CHRM3: variants seen among roughly 807,000 people sequenced by gnomAD.
The protein encoded by CHRM3 is cholinergic receptor muscarinic 3, also known as muscarinic acetylcholine receptor M3.
In CHRM3, 11 loss-of-function variants were observed where a neutral mutation model predicts 41.8. That is an observed-to-expected ratio of 0.26 (90% confidence interval 0.17 to 0.44). The LOEUF (loss-of-function observed/expected upper bound fraction) is 0.44. CHRM3 is among the 20% of genes least tolerant of loss of function. CHRM3 has a pLI of 1.00. For synonymous variants in CHRM3, 297 were observed against 301.4 expected (o/e 0.99, Z 0.15); for missense variants, 571 against 745.4 (o/e 0.77, Z 2.72).
At chr1:239,439,061 G>A (rs773039829) in intron 1 of CHRM3, among the ~76,000 whole-genome samples, 2 of 152,214 alleles carry the variant, frequency 1.3e-5, no homozygotes, top group African/African-American at 2.4e-5. Context: ...AGTTGCAGCA[G>A]CATCTTCTCT....
Position 239,409,128 on chromosome 1 carries a change from A to AT in CHRM3, c.-521+21907dup, listed in dbSNP as rs1179167281. Among the ~76,000 whole-genome samples the AT allele has an allele frequency of 8.6e-5, 13 of 151,872 alleles. No individual in the cohort carries two copies. The East Asian group carries it at 2.5e-3, about 29-fold the overall frequency. On this transcript the variant is annotated intron_variant, in intron 1 of 6. Coordinates refer to ENST00000676153, the MANE Select transcript of CHRM3 (RefSeq NM_001375978.1). The stretch of plus-strand genomic sequence containing the variant: ...ATACTGTATTCTTTTATTTTCTTTT[A>AT]TTTTTTCATTCATCAGATATTTATT...
In CHRM3 at chr1:239,874,285, G is replaced by GTATATATATA. The variant is rs758413973; in HGVS notation, c.-19-33115_-19-33106dup. On this transcript the variant is annotated intron_variant, in intron 6 of 6. Coordinates refer to ENST00000676153, the MANE Select transcript of CHRM3 (RefSeq NM_001375978.1). ...AGACCTATATATATCTATATACACAGTATATATATATATATATATATATAT... is the reference window on the plus strand; with the variant it reads ...AGACCTATATATATCTATATACACAGTATATATATATATATATATATATATATATATATAT... Among the ~76,000 whole-genome samples the GTATATATATA allele has an allele frequency of 2.2e-3, 186 of 83,172 alleles. 9 individuals are homozygous for GTATATATATA. Among genetic ancestry groups the GTATATATATA allele is most frequent in the African/African-American group, 0.011 (173 of 16,368 alleles). The allele number at this position is 83,172 out of a possible 152,430, so 54.6% of individuals were successfully genotyped here.
At chr1:239,641,702 G>T (rs1573080719) in intron 4 of CHRM3, among the ~76,000 whole-genome samples, 1 of 144,938 alleles carries the variant, frequency 6.9e-6, no homozygotes, top group Non-Finnish European at 1.5e-5. Context: ...ACACTGCTGG[G>T]TCTTGACTCT....
chr1:239,894,703 T>C (rs1572619879), intron 6 of CHRM3, among the ~76,000 whole-genome samples: 1 of 151,998 alleles, frequency 6.6e-6, no homozygotes, highest in Admixed American at 6.6e-5. Context: ...AAAGTGGTGG[T>C]ATTACAGGCA....
intron 3 of CHRM3, among the ~76,000 whole-genome samples, chr1:239,607,700 T>C (rs2148726805): frequency 6.6e-6 from 1 of 152,348 alleles, no homozygotes; most frequent in African/African-American, 2.4e-5. Flanking sequence ...TATTTTATGT[T>C]ATGTGTGTAT....
At chr1:239,478,470 A>T (rs977409363) in intron 1 of CHRM3, among the ~76,000 whole-genome samples, 3 of 152,118 alleles carry the variant, frequency 2.0e-5, no homozygotes, top group Non-Finnish European at 4.4e-5. Context: ...TTATTAGATT[A>T]AAAAAAATTT....
intron 6 of CHRM3, among the ~76,000 whole-genome samples, chr1:239,845,822 C>T (rs1674217424): frequency 6.6e-6 from 1 of 152,204 alleles, no homozygotes; most frequent in Non-Finnish European, 1.5e-5. Flanking sequence ...CAGCCATTCA[C>T]TTTCAGATGA....
At chr1:239,690,817 T>TTA (rs144139865) in intron 5 of CHRM3, among the ~76,000 whole-genome samples, 181 of 150,926 alleles carry the variant, frequency 1.2e-3, no homozygotes, top group East Asian at 5.7e-3. Flanking sequence ...CTGAAAAATT[T>TTA]TATATATATA....
rs143637351 is a variant in CHRM3, at chr1:239,698,102, G to T, written c.-147+19814G>T. Among the ~76,000 whole-genome samples, 1,341 of 152,230 alleles carry T rather than the reference G, an allele frequency of 8.8e-3. 10 individuals carry two copies. The highest frequency in any genetic ancestry group is 0.018 in the South Asian group (85 of 4,824). ...ATTTTTAAAAAGAGATTCTGAGAAAGAACTGACAAGCCAAGTTTGTTAAAT... is the reference window on the plus strand; with the variant it reads ...ATTTTTAAAAAGAGATTCTGAGAAATAACTGACAAGCCAAGTTTGTTAAAT... On this transcript the variant is annotated intron_variant, in intron 5 of 6. Transcript: ENST00000676153.
At chr1:239,530,113 C>T (rs1025684613) in intron 2 of CHRM3, among the ~76,000 whole-genome samples, 3 of 152,060 alleles carry the variant, frequency 2.0e-5, no homozygotes, top group Admixed American at 6.5e-5. Flanking sequence ...CCGTGTTAGC[C>T]AGGATGGTCT....
intron 1 of CHRM3, among the ~76,000 whole-genome samples, chr1:239,401,496 CTTTTTTTTTTCT>C (rs11272057): frequency 0.026 from 3,899 of 148,720 alleles, 169 homozygotes; most frequent in African/African-American, 0.091. Context: ...CTCTTTTTTC[CTTTTTTTTTTCT>C]TTTTTGAGAT....
At chr1:239,518,724 G>A (rs1440346079) in intron 2 of CHRM3, among the ~76,000 whole-genome samples, 4 of 152,094 alleles carry the variant, frequency 2.6e-5, no homozygotes, top group Admixed American at 6.5e-5. Flanking sequence ...GTTTGTGGGC[G>A]GTAGTTGCAC....
At chr1:239,885,788 C>G (rs1167140146) in intron 6 of CHRM3, among the ~76,000 whole-genome samples, 10 of 152,120 alleles carry the variant, frequency 6.6e-5, no homozygotes, top group Admixed American at 6.5e-4. Context: ...CAAGTCTCCA[C>G]TAGGTCATTC....
intron 2 of CHRM3, among the ~76,000 whole-genome samples, chr1:239,522,204 T>C (rs2148272622): frequency 6.6e-6 from 1 of 152,288 alleles, no homozygotes; most frequent in East Asian, 1.9e-4. Flanking sequence ...CTTTGTGCCA[T>C]CCTTCTTGCT....
At chr1:239,634,192 A>G (rs1573038557) in intron 4 of CHRM3, among the ~76,000 whole-genome samples, 1 of 152,144 alleles carries the variant, frequency 6.6e-6, no homozygotes, top group Admixed American at 6.5e-5. Flanking sequence ...TGCTGATTAC[A>G]TTTTATAGTT....
At chr1:239,602,380 T>C (rs1016325717) in intron 3 of CHRM3, among the ~76,000 whole-genome samples, 6 of 152,106 alleles carry the variant, frequency 3.9e-5, no homozygotes, top group African/African-American at 1.4e-4. Context: ...GAGTGAAATG[T>C]TGAATTCACA....
At chr1:239,875,863 G>A (rs1677069015) in intron 6 of CHRM3, among the ~76,000 whole-genome samples, 1 of 152,158 alleles carries the variant, frequency 6.6e-6, no homozygotes, top group Non-Finnish European at 1.5e-5. Context: ...TTAAAAGGCA[G>A]CAATTTACAT....
intron 1 of CHRM3, among the ~76,000 whole-genome samples, chr1:239,414,015 A>G (rs537581014): frequency 6.6e-6 from 1 of 152,320 alleles, no homozygotes; most frequent in East Asian, 1.9e-4. Flanking sequence ...TCCTGATGGA[A>G]AGAATTTGAG....
chr1:239,584,108 C>CTTTT (rs769127124), intron 3 of CHRM3, among the ~76,000 whole-genome samples: 23 of 124,400 alleles, frequency 1.8e-4, no homozygotes, highest in East Asian at 4.6e-4. Flanking sequence ...TCTTCTTCTT[C>CTTTT]TTTTTTTTTT....
Sources: gnomAD v4.1 joint callset for allele counts (sites outside exome capture counted in the v4.1 genomes callset) on GRCh38, gnomAD v4.1.1 for gene constraint, MANE v1.5 for transcripts, NCBI Gene and HGNC (gene_info 2026-07-23, HGNC 2026-07-21) for gene names.